EPHA3: variants seen among roughly 807,000 people sequenced by gnomAD.
EPHA3 encodes EPH receptor A3.
Under a neutral mutation model 107.1 loss-of-function variants are expected in EPHA3, and 42 were observed. That is an observed-to-expected ratio of 0.39 (90% confidence interval 0.31 to 0.51). The LOEUF is 0.51. EPHA3 is among the 20% of genes least tolerant of loss of function. EPHA3 has a pLI of 0.78. For synonymous variants in EPHA3, 461 were observed against 424.8 expected, an observed-to-expected ratio of 1.09 and a Z score of -1.05; for missense variants, 1,183 against 1,211.2, an observed-to-expected ratio of 0.98 and a Z score of 0.35.
At chr3:89,129,833 GT>G (rs1704168503) in intron 2 of EPHA3, among the ~76,000 whole-genome samples, 2 of 151,736 alleles carry the variant, frequency 1.3e-5, no homozygotes, top group South Asian at 4.2e-4. Context: ...TTGCTGAAAC[GT>G]TTTTCATAAA....
At position 89,295,224 on chromosome 3, in the gene EPHA3, C is replaced by T. The variant is rs865987671; in HGVS notation, c.815-45692C>T. The stretch of plus-strand genomic sequence containing the variant: ...TATTAAGTGTGCAATAGTGGTATGT[C>T]TAAAAAACAGTGTACATACCTTAGT... On this transcript the variant is annotated intron_variant, in intron 3 of 16. Transcript: ENST00000336596. Among the ~76,000 whole-genome samples the T allele has an allele frequency of 3.3e-5, 5 of 152,134 alleles. No individual in the cohort carries two copies. The South Asian group carries it at 1.0e-3, about 31-fold the overall frequency.
At chr3:89,202,506 ACT>A (rs1233622493) in intron 2 of EPHA3, among the ~76,000 whole-genome samples, 9 of 85,670 alleles carry the variant, frequency 1.1e-4, no homozygotes, top group Non-Finnish European at 1.8e-4. Flanking sequence ...ACTGAGCGAG[ACT>A]CTGTCTCAAA....
In EPHA3 at chr3:89,267,404, G is replaced by C. The variant is rs372962850; in HGVS notation, c.814+56884G>C. Among the ~76,000 whole-genome samples the C allele has an allele frequency of 7.2e-5, 11 of 152,200 alleles. No individual in the cohort carries two copies. The East Asian group carries it at 1.7e-3, about 24-fold the overall frequency. On this transcript the variant is annotated intron_variant, in intron 3 of 16. Transcript: ENST00000336596. ...ATTTTACACTGTGGCTAATTCAGAT[G>C]TTACTCTCTCAGGAAGACAGGGAGA...
chr3:89,204,350 C>T (rs1205176976), intron 2 of EPHA3, among the ~76,000 whole-genome samples: 1 of 151,984 alleles, frequency 6.6e-6, no homozygotes, highest in Non-Finnish European at 1.5e-5. Context: ...CCACATATGC[C>T]CTTTTCGGTC....
chr3:89,140,477 A>G (rs1039997424), intron 2 of EPHA3, among the ~76,000 whole-genome samples: 1 of 151,782 alleles, frequency 6.6e-6, no homozygotes, highest in Non-Finnish European at 1.5e-5. Flanking sequence ...TGTAGCTTTC[A>G]AAATAATTGG....
intron 2 of EPHA3, among the ~76,000 whole-genome samples, chr3:89,190,476 C>T (rs1705686864): frequency 1.3e-5 from 2 of 152,018 alleles, no homozygotes; most frequent in African/African-American, 4.8e-5. Context: ...AATATTGTTA[C>T]AAGATATATT....
At position 89,368,004 on chromosome 3, in the gene EPHA3, T is replaced by A. The variant is rs1235035180; in HGVS notation, c.1306+25914T>A. Among the ~76,000 whole-genome samples the A allele has an allele frequency of 2.4e-4, 36 of 150,568 alleles. 4 individuals are homozygous for A. Among genetic ancestry groups the A allele is most frequent in the Non-Finnish European group, 5.2e-4 (35 of 67,208 alleles). ...GTTCCTTGAGGGCGTGACCAAGGCA[T>A]GGCTCACATTTGTCTCCTTCATAGT... On this transcript the variant is annotated intron_variant, in intron 5 of 16. Coordinates refer to ENST00000336596, the MANE Select transcript of EPHA3 (RefSeq NM_005233.6).
At chr3:89,148,872 T>C (rs1704628990) in intron 2 of EPHA3, among the ~76,000 whole-genome samples, 1 of 152,078 alleles carries the variant, frequency 6.6e-6, no homozygotes, top group Non-Finnish European at 1.5e-5. Flanking sequence ...ATAGACATTA[T>C]TGTTTATTTG....
At position 89,365,303 on chromosome 3, in the gene EPHA3, A is replaced by G. The variant is rs529435241; in HGVS notation, c.1306+23213A>G. Among the ~76,000 whole-genome samples, 12 of 150,880 alleles carry G rather than the reference A, an allele frequency of 8.0e-5. 1 individual carries two copies. In the South Asian group the frequency reaches 2.3e-3, roughly 29 times the overall value. On this transcript the variant is annotated intron_variant, in intron 5 of 16. Coordinates refer to ENST00000336596, the MANE Select transcript of EPHA3 (RefSeq NM_005233.6). ...TATAGCCTTTCAGCTGAGGCAGAGT[A>G]GAGGGGAAGACTGAAAGGGCAATGG...
intron 11 of EPHA3, among the ~76,000 whole-genome samples, chr3:89,426,264 A>C (rs1193775195): frequency 1.3e-5 from 2 of 151,744 alleles, no homozygotes; most frequent in Admixed American, 1.3e-4. Context: ...TTTATAAATA[A>C]TTTCCCACCA....
rs1195353397 is a variant in EPHA3, at chr3:89,154,270, G to GT, written c.153+27012dup. 9.9e-5 allele frequency among the ~76,000 whole-genome samples: 14 copies of GT among 140,904 alleles called. No homozygotes were observed. In the East Asian group the frequency reaches 1.0e-3, roughly 10 times the overall value. The allele number at this position is 140,904 out of a possible 152,430, so 92.4% of individuals were successfully genotyped here. A position where few individuals can be genotyped will look rare whatever the true frequency, so the allele number is the denominator to read the frequency against. ...TTCCTTGTTTTTTGGGTTTTTGTTT[G>GT]TTTTTTTTTTTTTTTATTTTTATTT... On this transcript the variant is annotated intron_variant, in intron 2 of 16. Transcript: ENST00000336596.
At chr3:89,211,384 C>T (rs1704076646) in intron 3 of EPHA3, among the ~76,000 whole-genome samples, 1 of 151,960 alleles carries the variant, frequency 6.6e-6, no homozygotes, top group Non-Finnish European at 1.5e-5. Flanking sequence ...CTTAAGAACA[C>T]ACTAAAATTG....
intron 2 of EPHA3, among the ~76,000 whole-genome samples, chr3:89,171,424 A>G (rs1268918286): frequency 6.6e-6 from 1 of 152,156 alleles, no homozygotes; most frequent in East Asian, 1.9e-4. Flanking sequence ...TTGGTGTACA[A>G]TGAAGCAAGC....
At chr3:89,453,238 T>C (rs1328710679) in intron 15 of EPHA3, among the ~76,000 whole-genome samples, 5 of 152,026 alleles carry the variant, frequency 3.3e-5, no homozygotes, top group Admixed American at 1.3e-4. Flanking sequence ...TTACCTATCA[T>C]AAAAACATTC....
At chr3:89,168,470 T>C (rs1387487442) in intron 2 of EPHA3, among the ~76,000 whole-genome samples, 1 of 152,098 alleles carries the variant, frequency 6.6e-6, no homozygotes, top group Non-Finnish European at 1.5e-5. Context: ...AAAAAAAATT[T>C]AAAAACAGCA....
At chr3:89,232,439 T>C (rs1704661276) in intron 3 of EPHA3, among the ~76,000 whole-genome samples, 3 of 152,118 alleles carry the variant, frequency 2.0e-5, no homozygotes, top group Admixed American at 1.3e-4. Context: ...TGAAAGGCCT[T>C]GACAAACCAA....
At chr3:89,309,894 A>G (rs183625706) in intron 3 of EPHA3, among the ~76,000 whole-genome samples, 94 of 147,882 alleles carry the variant, frequency 6.4e-4, no homozygotes, top group African/African-American at 2.2e-3. Context: ...ACACACAAAC[A>G]TTCCATTTCA....
At chr3:89,263,152 G>C (rs1467589313) in intron 3 of EPHA3, among the ~76,000 whole-genome samples, 2 of 151,730 alleles carry the variant, frequency 1.3e-5, no homozygotes, top group Non-Finnish European at 2.9e-5. Context: ...CCCCATGCGT[G>C]ATGATTCCCT....
At chr3:89,436,113 C>A (rs535154111) in intron 13 of EPHA3, among the ~76,000 whole-genome samples, 58 of 150,992 alleles carry the variant, frequency 3.8e-4, no homozygotes, top group African/African-American at 1.3e-3. Context: ...GGAGCAGGAC[C>A]CTTTTTCAAA....
Sources: allele counts gnomAD v4.1 joint callset (sites outside exome capture counted in the v4.1 genomes callset), GRCh38; gene constraint gnomAD v4.1.1; transcripts MANE v1.5; gene names NCBI Gene and HGNC (gene_info 2026-07-23, HGNC 2026-07-21).